CACNB2: variants seen among roughly 807,000 people sequenced by gnomAD.
CACNB2 encodes voltage-dependent L-type calcium channel subunit beta-2.
CACNB2 carries 42 observed loss-of-function variants against 73.3 expected under a neutral mutation model. The ratio of observed to expected loss-of-function variants is 0.57; its 90% CI spans 0.45 to 0.74. The LOEUF (loss-of-function observed/expected upper bound fraction) is 0.74. Ranked by LOEUF, CACNB2 falls within the 30% of genes least tolerant of loss-of-function variation. CACNB2 has a pLI of 0.00. For missense variants in CACNB2, 940 were observed against 853.0 expected, an observed-to-expected ratio of 1.10 and a Z score of -1.27; for synonymous variants, 348 against 310.3, an observed-to-expected ratio of 1.12 and a Z score of -1.28.
chr10:18,403,035 G>T (rs181267339), intron 3 of CACNB2, among the ~76,000 whole-genome samples: 75 of 152,260 alleles, frequency 4.9e-4, no homozygotes, highest in African/African-American at 1.7e-3. Context: ...GACCTCTAGT[G>T]CGGCTGCCAT....
intron 2 of CACNB2, among the ~76,000 whole-genome samples, chr10:18,301,959 T>C (rs1042313711): frequency 2.0e-5 from 3 of 152,028 alleles, no homozygotes; most frequent in Non-Finnish European, 4.4e-5. Flanking sequence ...CTGTTTCTAA[T>C]ACATAGGAAG....
At chr10:18,312,185 T>C (rs1490005287) in intron 2 of CACNB2, among the ~76,000 whole-genome samples, 2 of 152,150 alleles carry the variant, frequency 1.3e-5, no homozygotes, top group Non-Finnish European at 2.9e-5. Context: ...AAATGATTAA[T>C]AAAGTATATA....
At chr10:18,340,672 G>C (rs1436871443) in intron 2 of CACNB2, 2 of 1,384,866 alleles carry the variant, frequency 1.4e-6, no homozygotes, top group Non-Finnish European at 1.9e-6. Context: ...CCTCCCACTT[G>C]CGTTTGTTAA....
At chr10:18,266,528 T>A (rs911165519) in intron 2 of CACNB2, among the ~76,000 whole-genome samples, 2 of 150,744 alleles carry the variant, frequency 1.3e-5, no homozygotes, top group Non-Finnish European at 3.0e-5. Flanking sequence ...TTTTTTTTTT[T>A]AATTGTGGTT....
intron 2 of CACNB2, among the ~76,000 whole-genome samples, chr10:18,274,999 T>C (rs1277466827): frequency 2.0e-5 from 3 of 152,242 alleles, no homozygotes; most frequent in Non-Finnish European, 4.4e-5. Context: ...GACACTGATT[T>C]GGACTCTACT....
At position 18,438,002 on chromosome 10, in the gene CACNB2, A is replaced by ATT. The variant is rs56671616; in HGVS notation, c.333+35991_333+35992dup. ...GTGTCGGGATACCTGGCCCAGTTGG[A>ATT]TTTTTTTTTTTTTTTTTTTTTTTTT... On this transcript the variant is annotated intron_variant, in intron 3 of 13. Coordinates refer to ENST00000324631, the MANE Select transcript of CACNB2 (RefSeq NM_201596.3). Among the ~76,000 whole-genome samples, 49 of 41,764 alleles carry ATT rather than the reference A, an allele frequency of 1.2e-3. 2 individuals are homozygous for ATT. Among genetic ancestry groups the ATT allele is most frequent in the Admixed American group, 2.0e-3 (5 of 2,552 alleles). 27.4% of individuals were successfully genotyped at this position (41,764 alleles called of 152,430 possible).
intron 2 of CACNB2, among the ~76,000 whole-genome samples, chr10:18,216,810 C>T (rs1037967071): frequency 3.9e-5 from 6 of 152,260 alleles, no homozygotes; most frequent in African/African-American, 1.4e-4. Flanking sequence ...ATGAAAAATT[C>T]CTTAAAAGCA....
At chr10:18,252,146 C>T (rs1410835319) in intron 2 of CACNB2, among the ~76,000 whole-genome samples, 4 of 152,206 alleles carry the variant, frequency 2.6e-5, no homozygotes, top group Non-Finnish European at 5.9e-5. Context: ...ATTGTCCTTT[C>T]TCTCTGCCCA....
At chr10:18,451,553 A>G (rs1014748716) in intron 3 of CACNB2, among the ~76,000 whole-genome samples, 6 of 152,344 alleles carry the variant, frequency 3.9e-5, no homozygotes, top group Non-Finnish European at 7.3e-5. Flanking sequence ...AGGAAACTCA[A>G]TGTCTTTAGG....
chr10:18,480,422 G>T (rs1439647234), intron 3 of CACNB2, among the ~76,000 whole-genome samples: 1 of 152,152 alleles, frequency 6.6e-6, no homozygotes, highest in African/African-American at 2.4e-5. Context: ...CATACACAGT[G>T]TGTCTCCTTT....
At chr10:18,371,850 CCT>C (rs1222412388) in intron 2 of CACNB2, among the ~76,000 whole-genome samples, 1 of 152,196 alleles carries the variant, frequency 6.6e-6, no homozygotes, top group African/African-American at 2.4e-5. Flanking sequence ...TTCTCCACAT[CCT>C]CTCCAGCACT....
chr10:18,180,584 G>C (rs945758887), intron 2 of CACNB2, among the ~76,000 whole-genome samples: 1 of 151,992 alleles, frequency 6.6e-6, no homozygotes, highest in Non-Finnish European at 1.5e-5. Context: ...CTCCCTCATG[G>C]GGCAGTTACG....
At position 18,220,241 on chromosome 10, in the gene CACNB2, A is replaced by AGAGGGTGG. The variant is rs1564354058; in HGVS notation, c.213+69269_213+69270insGGTGGGAG. Among the ~76,000 whole-genome samples the AGAGGGTGG allele has an allele frequency of 6.1e-5, 5 of 81,804 alleles. No individual in the cohort carries two copies. The East Asian group carries it at 1.4e-3, about 23-fold the overall frequency. The allele number at this position is 81,804 out of a possible 152,430, so 53.7% of individuals were successfully genotyped here. On this transcript the variant is annotated intron_variant, in intron 2 of 13. Transcript: ENST00000324631. ...TATATATATATATATATAGAGAGAG[A>AGAGGGTGG]GAGAGAGAGAGAGAGAGAGAGAGAG...
intron 2 of CACNB2, among the ~76,000 whole-genome samples, chr10:18,197,356 C>T (rs2131295230): frequency 6.6e-6 from 1 of 152,190 alleles, no homozygotes; most frequent in East Asian, 1.9e-4. Context: ...AATGTTTTTG[C>T]CTGCAAGGAA....
intron 2 of CACNB2, among the ~76,000 whole-genome samples, chr10:18,353,937 CAT>C (rs1186756957): frequency 6.6e-6 from 1 of 152,182 alleles, no homozygotes; most frequent in Non-Finnish European, 1.5e-5. Flanking sequence ...TGGGCAAACT[CAT>C]ATTCTGGTGA....
intron 3 of CACNB2, among the ~76,000 whole-genome samples, chr10:18,484,037 G>T (rs1180811677): frequency 6.6e-6 from 1 of 152,186 alleles, no homozygotes; most frequent in Non-Finnish European, 1.5e-5. Context: ...GATGTCACTG[G>T]TGTCTAGCAA....
chr10:18,492,010 T>C (rs1243131349), intron 3 of CACNB2, among the ~76,000 whole-genome samples: 1 of 152,064 alleles, frequency 6.6e-6, no homozygotes, highest in Admixed American at 6.6e-5. Context: ...ACAGGAATCA[T>C]GGTGTTGGCA....
At chr10:18,288,046 G>A (rs1000158610) in intron 2 of CACNB2, among the ~76,000 whole-genome samples, 1 of 152,088 alleles carries the variant, frequency 6.6e-6, no homozygotes, top group Non-Finnish European at 1.5e-5. Flanking sequence ...CCTCTGTGCA[G>A]GTCTGTCTCT....
At chr10:18,378,252 A>G (rs781553238) in intron 2 of CACNB2, among the ~76,000 whole-genome samples, 4 of 152,190 alleles carry the variant, frequency 2.6e-5, no homozygotes, top group Non-Finnish European at 5.9e-5. Context: ...ATGACAGTGT[A>G]TTTGGTGATA....
Sources: allele counts gnomAD v4.1 joint callset (sites outside exome capture counted in the v4.1 genomes callset), GRCh38; gene constraint gnomAD v4.1.1; transcripts MANE v1.5; gene names NCBI Gene and HGNC (gene_info 2026-07-23, HGNC 2026-07-21).